Variants in DLGAP2 observed in about 807,000 individuals in gnomAD.
The protein encoded by DLGAP2 is DLG associated protein 2, also known as disks large-associated protein 2.
A neutral mutation model predicts 100.3 loss-of-function variants in DLGAP2; 26 were observed. The observed-to-expected ratio is 0.26, with a 90% confidence interval of 0.19 to 0.36. The LOEUF (loss-of-function observed/expected upper bound fraction) is 0.36, where lower values mean the gene tolerates loss of function less well. DLGAP2 is among the 10% of genes least tolerant of loss of function. DLGAP2 has a pLI of 1.00. For missense variants in DLGAP2, 1,858 were observed against 1,453.2 expected, an observed-to-expected ratio of 1.28 and a Z score of -4.53; for synonymous variants, 886 against 630.1, an observed-to-expected ratio of 1.41 and a Z score of -6.08.
chr8:839,357 A>G lies in DLGAP2; in HGVS notation c.19-68555A>G, dbSNP rs190638749. 9.2e-5 allele frequency among the ~76,000 whole-genome samples: 14 copies of G among 152,344 alleles called. No individual in the cohort carries two copies. The East Asian group carries it at 2.3e-3, about 25-fold the overall frequency. On this transcript the variant is annotated intron_variant, in intron 1 of 14. Transcript: ENST00000637795. Reference sequence around the variant, plus strand: ...GATGTCTAACAACAGGTGAATGGATAAAATGTGCTGATATAGATGCACAAT... The same window carrying G: ...GATGTCTAACAACAGGTGAATGGATGAAATGTGCTGATATAGATGCACAAT...
intron 2 of DLGAP2, among the ~76,000 whole-genome samples, chr8:1,006,857 G>A (rs1183763414): frequency 9.8e-6 from 1 of 101,658 alleles, no homozygotes; most frequent in Admixed American, 1.0e-4. Context: ...CCTTTATCAC[G>A]TCGGGGACAC....
At chr8:1,051,529 A>G (rs1802712409) in intron 2 of DLGAP2, among the ~76,000 whole-genome samples, 1 of 152,250 alleles carries the variant, frequency 6.6e-6, no homozygotes, top group East Asian at 1.9e-4. Context: ...ACATACGCAG[A>G]GTATTTTGTC....
intron 2 of DLGAP2, among the ~76,000 whole-genome samples, chr8:1,078,768 C>G (rs760356591): frequency 2.0e-5 from 3 of 152,152 alleles, no homozygotes. Flanking sequence ...GAATAACATT[C>G]CATTGTCTGA....
intron 1 of DLGAP2, among the ~76,000 whole-genome samples, chr8:869,124 C>T (rs58379516): frequency 0.014 from 2,197 of 152,258 alleles, 51 homozygotes; most frequent in African/African-American, 0.049. Flanking sequence ...CCCTGCTTCA[C>T]GCCTCTCTTC....
At chr8:1,196,861 G>C (rs901049713) in intron 2 of DLGAP2, among the ~76,000 whole-genome samples, 1 of 152,142 alleles carries the variant, frequency 6.6e-6, no homozygotes, top group African/African-American at 2.4e-5. Context: ...GAGACTGACA[G>C]GATATATACA....
At chr8:1,597,087 A>G (rs375258950) in intron 6 of DLGAP2, among the ~76,000 whole-genome samples, 17 of 152,192 alleles carry the variant, frequency 1.1e-4, no homozygotes, top group African/African-American at 3.1e-4. Flanking sequence ...GCATATAGCT[A>G]GCCAGTTTTC....
chr8:1,024,699 G>A (rs528969439), intron 2 of DLGAP2, among the ~76,000 whole-genome samples: 9 of 152,184 alleles, frequency 5.9e-5, no homozygotes, highest in East Asian at 3.9e-4. Context: ...CTCTCTGCTC[G>A]TGAAGAACTC....
chr8:1,691,756 C>CAGA (rs1799266858), intron 13 of DLGAP2, 130 bp downstream of exon 13: 2 of 800,706 alleles, frequency 2.5e-6, no homozygotes, highest in Admixed American at 5.2e-5. Flanking sequence ...GCACTTACTA[C>CAGA]AGAAGAGGCT....
chr8:1,604,052 G>A (rs988206476), intron 6 of DLGAP2, among the ~76,000 whole-genome samples: 49 of 152,076 alleles, frequency 3.2e-4, no homozygotes, highest in African/African-American at 1.1e-3. Context: ...CCAAGACACA[G>A]CTGGGACAGA....
At chr8:818,209 C>A (rs920855796) in intron 1 of DLGAP2, among the ~76,000 whole-genome samples, 13 of 152,074 alleles carry the variant, frequency 8.5e-5, no homozygotes, top group African/African-American at 3.1e-4. Context: ...GGTTTCCAGG[C>A]CAATGAAGTT....
intron 3 of DLGAP2, among the ~76,000 whole-genome samples, chr8:1,485,052 G>A (rs914473033): frequency 2.6e-5 from 4 of 152,234 alleles, no homozygotes; most frequent in Middle Eastern, 3.4e-3. Flanking sequence ...GCATTGCCAC[G>A]GCCTCTCTTA....
chr8:1,419,174 T>A (rs1259071231), intron 3 of DLGAP2, among the ~76,000 whole-genome samples: 2 of 150,470 alleles, frequency 1.3e-5, no homozygotes, highest in Non-Finnish European at 2.9e-5. Flanking sequence ...TGTACATGTT[T>A]GTGGGATACT....
At chr8:1,307,060 G>T (rs956105806) in intron 3 of DLGAP2, among the ~76,000 whole-genome samples, 1 of 152,148 alleles carries the variant, frequency 6.6e-6, no homozygotes. Context: ...ATTAAAGCTT[G>T]TGTGCATTAA....
At chr8:1,545,699 A>G (rs1801511409) in intron 4 of DLGAP2, among the ~76,000 whole-genome samples, 1 of 152,238 alleles carries the variant, frequency 6.6e-6, no homozygotes, top group Admixed American at 6.5e-5. Context: ...ATAATATTTT[A>G]AAGTACATGT....
At chr8:918,331 G>A (rs1283743602) in intron 2 of DLGAP2, among the ~76,000 whole-genome samples, 3 of 152,232 alleles carry the variant, frequency 2.0e-5, no homozygotes, top group African/African-American at 7.2e-5. Flanking sequence ...AATGGTGAGT[G>A]TTGGTAATTT....
intron 1 of DLGAP2, among the ~76,000 whole-genome samples, chr8:861,540 T>C (rs1464879906): frequency 1.3e-5 from 2 of 152,236 alleles, no homozygotes; most frequent in Non-Finnish European, 2.9e-5. Context: ...TCTTGTCGAA[T>C]GATAGAATAA....
chr8:1,447,346 T>C (rs1270918121), intron 3 of DLGAP2, among the ~76,000 whole-genome samples: 2 of 152,256 alleles, frequency 1.3e-5, no homozygotes, highest in South Asian at 2.1e-4. Flanking sequence ...GAGATAATCA[T>C]GTGGTTTTTG....
At chr8:1,633,168 G>A (rs1797692813) in intron 8 of DLGAP2, 122 bp downstream of exon 8, 1 of 891,818 alleles carries the variant, frequency 1.1e-6, no homozygotes. Flanking sequence ...ATCTAGTAAC[G>A]TTTCCTAATT....
At chr8:1,390,156 G>T (rs1445125034) in intron 3 of DLGAP2, among the ~76,000 whole-genome samples, 1 of 148,594 alleles carries the variant, frequency 6.7e-6, no homozygotes, top group Admixed American at 6.7e-5. Flanking sequence ...CTAAATCGAG[G>T]CACTCTCTGA....
Sources: gnomAD v4.1 joint callset for allele counts (sites outside exome capture counted in the v4.1 genomes callset) on GRCh38, gnomAD v4.1.1 for gene constraint, MANE v1.5 for transcripts, NCBI Gene and HGNC (gene_info 2026-07-23, HGNC 2026-07-21) for gene names.